Variants in UGT2B7 observed in about 807,000 individuals in gnomAD.
The protein encoded by UGT2B7 is UDP glucuronosyltransferase family 2 member B7.
Under a neutral mutation model 51.9 loss-of-function variants are expected in UGT2B7, and 51 were observed. The ratio of observed to expected loss-of-function variants is 0.98; its 90% CI spans 0.78 to 1.24. The LOEUF (loss-of-function observed/expected upper bound fraction) is 1.24. Ranked by LOEUF, UGT2B7 falls within the 50% of genes most tolerant of loss-of-function variation. The pLI, the probability that UGT2B7 is intolerant of heterozygous loss-of-function variation, is 0.00. For synonymous variants in UGT2B7, 225 were observed against 211.6 expected (o/e 1.06, Z -0.55); for missense variants, 727 against 628.4 (o/e 1.16, Z -1.68).
chr4:69,061,744 G>C (rs1258828046), intron 1 of UGT2B7, among the ~76,000 whole-genome samples: 3 of 152,122 alleles, frequency 2.0e-5, no homozygotes, highest in Non-Finnish European at 2.9e-5. Context: ...TGTAAACAGC[G>C]TTTAACTTGT....
chr4:69,109,627 A>AT (rs1404401393), intron 5 of UGT2B7, among the ~76,000 whole-genome samples: 1 of 152,162 alleles, frequency 6.6e-6, no homozygotes, highest in Admixed American at 6.6e-5. Flanking sequence ...ATTATGGGTC[A>AT]TGTCAGATAT....
At chr4:69,081,350 C>T (rs904721421) in intron 1 of UGT2B7, among the ~76,000 whole-genome samples, 5 of 108,172 alleles carry the variant, frequency 4.6e-5, no homozygotes, top group Non-Finnish European at 8.9e-5. Flanking sequence ...TCCTAATATA[C>T]ACTTGTAATT....
chr4:69,092,974 A>C (rs1386827136), upstream of UGT2B7, among the ~76,000 whole-genome samples: 7 of 152,202 alleles, frequency 4.6e-5, no homozygotes, highest in East Asian at 3.9e-4. Flanking sequence ...AAAAAAAAAA[A>C]AAAACAATAT....
intron 1 of UGT2B7, among the ~76,000 whole-genome samples, chr4:69,066,794 A>G (rs1054263316): frequency 6.6e-6 from 1 of 152,082 alleles, no homozygotes; most frequent in Admixed American, 6.6e-5. Flanking sequence ...TCCTAATTCA[A>G]TCATTACACC....
intron 2 of UGT2B7, among the ~76,000 whole-genome samples, chr4:69,099,959 A>G (rs1719371328): frequency 6.6e-6 from 1 of 152,072 alleles, no homozygotes; most frequent in African/African-American, 2.4e-5. Flanking sequence ...ACCATAGGTA[A>G]TAAGGATCTT....
chr4:69,057,409 C>T (rs375941444), intron 1 of UGT2B7, among the ~76,000 whole-genome samples: 1 of 152,274 alleles, frequency 6.6e-6, no homozygotes, highest in South Asian at 2.1e-4. Flanking sequence ...CACATACCTC[C>T]TTCCAAAGGA....
At chr4:69,051,823 T>C (rs529566327) in intron 1 of UGT2B7, among the ~76,000 whole-genome samples, 1 of 152,372 alleles carries the variant, frequency 6.6e-6, no homozygotes, top group South Asian at 2.1e-4. Context: ...TGACTTGACT[T>C]GAATTGCTGG....
In UGT2B7 at chr4:69,051,846, C is replaced by T. The variant is rs568897734; in HGVS notation, c.-159+244C>T. Among the ~76,000 whole-genome samples the T allele has an allele frequency of 5.9e-5, 9 of 152,296 alleles. No homozygotes were observed. The South Asian group carries it at 1.0e-3, about 18-fold the overall frequency. Reference sequence around the variant, plus strand: ...CTTGAATTGCTGGATACTTTGGTTTCGGTTTTTGGCCTGGCTTGAATTTCT... The same window carrying T: ...CTTGAATTGCTGGATACTTTGGTTTTGGTTTTTGGCCTGGCTTGAATTTCT... On this transcript the variant is annotated intron_variant, in intron 1 of 5. Coordinates refer to the UGT2B7 transcript ENST00000502942.
At chr4:69,071,040 A>G (rs566066887) in intron 1 of UGT2B7, among the ~76,000 whole-genome samples, 2 of 152,272 alleles carry the variant, frequency 1.3e-5, no homozygotes, top group East Asian at 1.9e-4. Context: ...TGTTTTCCAC[A>G]TGAGGCCTTG....
At chr4:69,075,680 G>T (rs781739174) in intron 1 of UGT2B7, among the ~76,000 whole-genome samples, 27 of 152,008 alleles carry the variant, frequency 1.8e-4, no homozygotes, top group Non-Finnish European at 3.5e-4. Flanking sequence ...CAACACTCAG[G>T]CTATGGGAGT....
intron 1 of UGT2B7, among the ~76,000 whole-genome samples, chr4:69,068,122 ATTAG>A (rs1258865120): frequency 1.4e-4 from 21 of 152,100 alleles, no homozygotes; most frequent in African/African-American, 4.8e-4. Flanking sequence ...ATGATCTCAT[ATTAG>A]TTATTCATTT....
Position 69,109,756 on chromosome 4 carries a change from C to T in UGT2B7, c.1310+1434C>T, listed in dbSNP as rs1303698601. On this transcript the variant is annotated intron_variant, in intron 5 of 5. Transcript: ENST00000305231. ...ATTTTTAATAATTGATTTTTTCAAA[C>T]CCAAAGATATCAATGTGCAAAATTC... Among the ~76,000 whole-genome samples, 6 of 152,024 alleles carry T rather than the reference C, an allele frequency of 3.9e-5. No homozygotes were observed. In the East Asian group the frequency reaches 1.2e-3, roughly 29 times the overall value.
intron 1 of UGT2B7, among the ~76,000 whole-genome samples, chr4:69,062,877 T>A (rs963194825): frequency 6.6e-6 from 1 of 152,214 alleles, no homozygotes; most frequent in Non-Finnish European, 1.5e-5. Context: ...ATTCATTATA[T>A]TGCTCTTGTG....
chr4:69,093,937 G>A (rs1252839543), upstream of UGT2B7, among the ~76,000 whole-genome samples: 1 of 152,122 alleles, frequency 6.6e-6, no homozygotes, highest in African/African-American at 2.4e-5. Flanking sequence ...CTTTGTGAGA[G>A]CCATGCATAT....
Position 69,102,833 on chromosome 4 carries a change from T to C in UGT2B7, c.897T>C (p.Ser299=). 6.2e-7 allele frequency: 1 copy of C among 1,613,460 alleles called. No homozygotes were observed. Among genetic ancestry groups the C allele is most frequent in the Non-Finnish European group, 8.5e-7 (1 of 1,179,640 alleles). ...PKEMEDFVQS[S]GENGVVVFSL... The stretch of plus-strand genomic sequence containing the variant: ...AAATGGAAGACTTTGTACAGAGCTC[T>C]GGAGAAAATGGTGTTGTGGTGTTTT... Residue 299 remains serine, a synonymous_variant, in exon 3 of 6, where the codon TCT becomes TCC. Transcript: ENST00000305231.
At chr4:69,086,810 A>T (rs767029537) in intron 1 of UGT2B7, among the ~76,000 whole-genome samples, 1 of 151,928 alleles carries the variant, frequency 6.6e-6, no homozygotes, top group Non-Finnish European at 1.5e-5. Flanking sequence ...TTACAATGAC[A>T]TGAAACAAAT....
intron 1 of UGT2B7, among the ~76,000 whole-genome samples, chr4:69,064,088 GAAA>G (rs1718427989): frequency 1.9e-5 from 2 of 104,796 alleles, no homozygotes; most frequent in Non-Finnish European, 3.7e-5. Flanking sequence ...AAGAAAGAAA[GAAA>G]GAAAGAGAAA....
chr4:69,094,500 G>A (rs906345564), upstream of UGT2B7, among the ~76,000 whole-genome samples: 2 of 152,142 alleles, frequency 1.3e-5, no homozygotes, highest in African/African-American at 4.8e-5. Flanking sequence ...AGCATATTAA[G>A]TCTGCAATAA....
chr4:69,103,183 AT>A (rs1327129499), intron 3 of UGT2B7, among the ~76,000 whole-genome samples: 1 of 152,096 alleles, frequency 6.6e-6, no homozygotes, highest in Non-Finnish European at 1.5e-5. Context: ...GGAGAAAGGT[AT>A]TTAAAAAGTG....
Sources: allele counts gnomAD v4.1 joint callset (sites outside exome capture counted in the v4.1 genomes callset), GRCh38; gene constraint gnomAD v4.1.1; transcripts MANE v1.5; gene names NCBI Gene and HGNC (gene_info 2026-07-23, HGNC 2026-07-21).